Variants in USP43 observed in about 807,000 individuals in gnomAD.
USP43 encodes ubiquitin specific peptidase 43.
Under a neutral mutation model 90.7 loss-of-function variants are expected in USP43, and 33 were observed. That is an observed-to-expected ratio of 0.36 (90% confidence interval 0.28 to 0.49). The LOEUF is 0.49. Among genes scored for constraint, USP43 ranks in the 20% least tolerant of loss-of-function variants. The probability of loss-of-function intolerance (pLI) is 0.98; values close to 1 mark genes in which losing one functional copy is unlikely to be tolerated. For missense variants in USP43, 1,274 were observed against 1,476.4 expected, an observed-to-expected ratio of 0.86 and a Z score of 2.25; for synonymous variants, 598 against 615.8, an observed-to-expected ratio of 0.97 and a Z score of 0.43.
intron 8 of USP43, among the ~76,000 whole-genome samples, chr17:9,688,142 C>A (rs1029059113): frequency 6.6e-6 from 1 of 151,696 alleles, no homozygotes; most frequent in African/African-American, 2.4e-5. Context: ...CCCGCCACCA[C>A]GCCCAGCTAA....
chr17:9,666,345 C>T lies in USP43; in HGVS notation c.637-303C>T, dbSNP rs1012037234. On this transcript the variant is annotated intron_variant, in intron 2 of 14. Coordinates refer to ENST00000285199, the MANE Select transcript of USP43 (RefSeq NM_153210.5). The stretch of plus-strand genomic sequence containing the variant: ...TTGAAGCCGAGTGGGACAGAAATAA[C>T]GCGCAGGGCCGTCCATCCAGGGGGA... Among the ~76,000 whole-genome samples the T allele has an allele frequency of 5.3e-5, 8 of 152,238 alleles. 1 individual carries two copies. The South Asian group carries it at 6.2e-4, about 12-fold the overall frequency.
chr17:9,700,351 G>A, intron 10 of USP43, 102 bp downstream of exon 10: 1 of 1,145,354 alleles, frequency 8.7e-7, no homozygotes, highest in Non-Finnish European at 1.2e-6. Context: ...CAGGCAGGGT[G>A]CACACATCTT....
In USP43 at chr17:9,691,943, C is replaced by T. The variant is rs141671541; in HGVS notation, c.1354-1184C>T. 3.3e-3 allele frequency among the ~76,000 whole-genome samples: 489 copies of T among 149,080 alleles called. 1 individual carries two copies. Among genetic ancestry groups the T allele is most frequent in the South Asian group, 6.4e-3 (30 of 4,686 alleles). ...CCGTAGTCCCAGCTACTCAGGAGGC[C>T]GAGGCAGAGAATGGCAAGAACCCGG... On this transcript the variant is annotated intron_variant, in intron 8 of 14. Transcript: ENST00000285199.
chr17:9,721,798 G>A (rs1253219551), intron 14 of USP43, among the ~76,000 whole-genome samples: 4 of 147,162 alleles, frequency 2.7e-5, no homozygotes, highest in East Asian at 4.0e-4. Flanking sequence ...ATCTCGGCTC[G>A]CTGCAACCTC....
rs528055820 is a variant in USP43 at position 9,664,730 on chromosome 17, C to T, written c.637-1918C>T. 3.7e-4 allele frequency among the ~76,000 whole-genome samples: 56 copies of T among 151,890 alleles called. No individual in the cohort carries two copies. The South Asian group carries it at 5.6e-3, about 15-fold the overall frequency. On this transcript the variant is annotated intron_variant, in intron 2 of 14. Coordinates refer to ENST00000285199, the MANE Select transcript of USP43 (RefSeq NM_153210.5). ...TCGGCTCACTTTAAGCTCCGCCTCC[C>T]GGGGTCACGCCATTCTCCTGCCTCA... is the stretch of plus-strand genomic sequence containing the variant.
rs956184085 is a variant in USP43 at position 9,701,896 on chromosome 17, G to T, written c.2011+196G>T. ...AAGGACCTGCCCTGTAGGAGCTGGTGGGGGAGAGAGAATTCCAGTAAAATA... is the reference window on the plus strand; with the variant it reads ...AAGGACCTGCCCTGTAGGAGCTGGTTGGGGAGAGAGAATTCCAGTAAAATA... On this transcript the variant is annotated intron_variant, in intron 12 of 14. Coordinates refer to ENST00000285199, the MANE Select transcript of USP43 (RefSeq NM_153210.5). This position sits in a 1 kb window ranked among gnomAD's most constrained non-coding sequence, Gnocchi z 7.2. Among the ~76,000 whole-genome samples, 2 of 152,322 alleles carry T rather than the reference G, an allele frequency of 1.3e-5. No homozygotes were observed. The highest frequency in any genetic ancestry group is 4.8e-5 in the African/African-American group (2 of 41,572).
intron 6 of USP43, among the ~76,000 whole-genome samples, chr17:9,682,056 A>T (rs1555550200): frequency 6.6e-6 from 1 of 152,154 alleles, no homozygotes; most frequent in Non-Finnish European, 1.5e-5. Context: ...GAAAGTCAAC[A>T]TTTCAGAACT....
In USP43 at chr17:9,674,115, G is replaced by T. The variant is rs1000839556; in HGVS notation, c.741-776G>T. Among the ~76,000 whole-genome samples the T allele has an allele frequency of 6.6e-6, 1 of 152,160 alleles. No homozygotes were observed. Among genetic ancestry groups the T allele is most frequent in the African/African-American group, 2.4e-5 (1 of 41,440 alleles). ...AGCCTTCCTGTGGTTCTGGGGCACAGTGAGGCTGAGAAGCAGGGGAAGAGA... is the reference window on the plus strand; with the variant it reads ...AGCCTTCCTGTGGTTCTGGGGCACATTGAGGCTGAGAAGCAGGGGAAGAGA... On this transcript the variant is annotated intron_variant, in intron 3 of 14. Transcript: ENST00000285199. The surrounding 1 kb of genome is among the most constrained non-coding windows in gnomAD (Gnocchi z 4.4).
At chr17:9,663,863 G>A (rs1818338173) in intron 2 of USP43, among the ~76,000 whole-genome samples, 1 of 152,168 alleles carries the variant, frequency 6.6e-6, no homozygotes, top group East Asian at 1.9e-4. Flanking sequence ...GACCTCAGGT[G>A]ATCCACCCGC....
chr17:9,726,896 C>A lies in USP43; in HGVS notation c.2336-1058C>A, dbSNP rs117302552. Among the ~76,000 whole-genome samples the A allele has an allele frequency of 8.8e-4, 134 of 152,268 alleles. 1 individual carries two copies. In the East Asian group the frequency reaches 0.025, roughly 29 times the overall value. ...GATTGTGTGTTTTAGCTGAAGATTT[C>A]TTTCTCAATGATTGCAGACATCATG... On this transcript the variant is annotated intron_variant, in intron 14 of 14. Transcript: ENST00000285199.
At chr17:9,657,714 G>A (rs1912361559) in intron 2 of USP43, among the ~76,000 whole-genome samples, 1 of 149,822 alleles carries the variant, frequency 6.7e-6, no homozygotes, top group Admixed American at 6.7e-5. Flanking sequence ...GATCTCAGGA[G>A]AACTCACTCA....
rs907838289 is a variant in USP43 at position 9,674,303 on chromosome 17, C to G, written c.741-588C>G. On this transcript the variant is annotated intron_variant, in intron 3 of 14. Transcript: ENST00000285199. This position sits in a 1 kb window ranked among gnomAD's most constrained non-coding sequence, Gnocchi z 4.4. ...GAAAGTCCTGTAACATAAAGTTAAGCATTCTAAAGCGTACAAATCAGTGAC... is the reference window on the plus strand; with the variant it reads ...GAAAGTCCTGTAACATAAAGTTAAGGATTCTAAAGCGTACAAATCAGTGAC... 6.6e-6 allele frequency among the ~76,000 whole-genome samples: 1 copy of G among 152,146 alleles called. No individual in the cohort carries two copies. The highest frequency in any genetic ancestry group is 2.4e-5 in the African/African-American group (1 of 41,406).
In USP43 at chr17:9,693,162, A is replaced by G. The variant is rs374142339; in HGVS notation, c.1389A>G (p.Gly463=). The G allele has an allele frequency of 2.2e-5, 36 of 1,611,888 alleles. No homozygotes were observed. Among genetic ancestry groups the G allele is most frequent in the Non-Finnish European group, 3.1e-5 (36 of 1,179,324 alleles). ...LGSLFSIRVV[G]LSVACSYLSP... ...CTCTGTTCTCCATCCGTGTTGTGGG[A>G]CTCTCTGTGGCCTGCAGCTATTTGT... Residue 463 remains glycine, a synonymous_variant, in exon 9 of 15, where the codon GGA becomes GGG. Transcript: ENST00000285199.
Position 9,728,129 on chromosome 17 carries a change from A to C in USP43, c.2511A>C (p.Glu837Asp). ...GASVELVEYL[E>D]SRRRPRSTSQ... ...CCGTCGAGTTGGTGGAGTACTTGGA[A>C]TCCAGACGAAGACCTCGGTCCACGA... Residue 837 changes from glutamate (E) to aspartate (D), a missense_variant, in exon 15 of 15, where the codon GAA becomes GAC. Physicochemically the swap from Glu to Asp is conservative, Grantham distance 45. Around this residue, in one of 6 missense-constraint regions of USP43, gnomAD observed 285 missense variants for 349.6 expected, o/e 0.82. Coordinates refer to ENST00000285199, the MANE Select transcript of USP43 (RefSeq NM_153210.5). The surrounding 1 kb of genome is among the most constrained non-coding windows in gnomAD (Gnocchi z 6.2). 6.2e-7 allele frequency: 1 copy of C among 1,613,894 alleles called. No homozygotes were observed. The highest frequency in any genetic ancestry group is 8.5e-7 in the Non-Finnish European group (1 of 1,179,876).
rs1408563487 is a variant in USP43 at position 9,701,749 on chromosome 17, G to A, written c.2011+49G>A. On this transcript the variant is annotated intron_variant, in intron 12 of 14. Coordinates refer to ENST00000285199, the MANE Select transcript of USP43 (RefSeq NM_153210.5). This position sits in a 1 kb window ranked among gnomAD's most constrained non-coding sequence, Gnocchi z 7.2. ...CAAATGCAGCTGTGGCCACAGCCTC[G>A]AGATGTCCCTGGAATGGGTGTTGCT... is the stretch of plus-strand genomic sequence containing the variant. 9 of 1,448,646 alleles carry A rather than the reference G, an allele frequency of 6.2e-6. No individual in the cohort carries two copies. The highest frequency in any genetic ancestry group is 2.5e-5 in the East Asian group (1 of 40,022). 89.7% of individuals were successfully genotyped at this position (1,448,646 alleles called of 1,614,324 possible).
intron 14 of USP43, among the ~76,000 whole-genome samples, chr17:9,713,908 C>A (rs1916344539): frequency 6.6e-6 from 1 of 152,150 alleles, no homozygotes; most frequent in African/African-American, 2.4e-5. Context: ...AGACACCATT[C>A]CCCAGGCTTT....
At chr17:9,646,164 C>T (rs1406020384) in intron 1 of USP43, 28 bp downstream of exon 1, 1 of 1,399,306 alleles carries the variant, frequency 7.1e-7, no homozygotes, top group African/African-American at 1.5e-5. Flanking sequence ...GCCGACCGCC[C>T]TGTCCCCCTG....
In USP43 at chr17:9,681,167, TATATACTATATA is replaced by T. The variant is rs1345254107; in HGVS notation, c.1105+819_1105+830del. Among the ~76,000 whole-genome samples the T allele has an allele frequency of 3.5e-4, 21 of 60,178 alleles. 1 individual carries two copies. The highest frequency in any genetic ancestry group is 3.5e-4 in the Non-Finnish European group (14 of 39,730). The allele number at this position is 60,178 out of a possible 152,430, so 39.5% of individuals were successfully genotyped here. Reference sequence around the variant, plus strand: ...ATACTATATAATATATACTATATAATATATACTATATAATATACTATATAATATATACTATAT... The same window carrying T: ...ATACTATATAATATATACTATATAATATATACTATATAATATATACTATAT... On this transcript the variant is annotated intron_variant, in intron 6 of 14. Transcript: ENST00000285199.
intron 10 of USP43, 148 bp downstream of exon 10, chr17:9,700,397 G>C: frequency 1.5e-6 from 1 of 677,644 alleles, no homozygotes; most frequent in Non-Finnish European, 2.5e-6. Flanking sequence ...AGATGCCTGA[G>C]TGAGAATTTT....
Sources: allele counts gnomAD v4.1 joint callset (sites outside exome capture counted in the v4.1 genomes callset), GRCh38; gene constraint gnomAD v4.1.1; regional missense constraint gnomAD v4.1.1; non-coding constraint Gnocchi (gnomAD v3.1); transcripts MANE v1.5; gene names NCBI Gene and HGNC (gene_info 2026-07-23, HGNC 2026-07-21).